Variants in RUNX2 observed in about 807,000 individuals in gnomAD.
RUNX2 encodes the protein RUNX family transcription factor 2, also known as runt-related transcription factor 2.
RUNX2 carries 10 observed loss-of-function variants against 51.7 expected under a neutral mutation model. That is an observed-to-expected ratio of 0.19 (90% CI 0.12 to 0.33). The LOEUF is 0.33. RUNX2 is among the 10% of genes least tolerant of loss of function. The pLI is 1.00. For missense variants in RUNX2, 562 were observed against 691.3 expected (o/e 0.81, Z 2.10); for synonymous variants, 276 against 273.6 (o/e 1.01, Z -0.09).
chr6:45,404,360 C>T (rs912662047), intron 2 of RUNX2, among the ~76,000 whole-genome samples: 3 of 150,304 alleles, frequency 2.0e-5, no homozygotes, highest in African/African-American at 7.4e-5. Flanking sequence ...GTGCAAAGGA[C>T]CCACCTTCTT....
At chr6:45,399,095 A>G (rs1342810524) in intron 2 of RUNX2, among the ~76,000 whole-genome samples, 1 of 152,156 alleles carries the variant, frequency 6.6e-6, no homozygotes, top group African/African-American at 2.4e-5. Flanking sequence ...TAGAAAAATT[A>G]GTGATATTAT....
chr6:45,481,933 T>C (rs975558680), intron 5 of RUNX2, among the ~76,000 whole-genome samples: 3 of 152,220 alleles, frequency 2.0e-5, no homozygotes, highest in African/African-American at 7.2e-5. Context: ...TCCTAATTCA[T>C]ATAATTTTAC....
chr6:45,387,994 G>A (rs1797388308), intron 2 of RUNX2, among the ~76,000 whole-genome samples: 2 of 152,170 alleles, frequency 1.3e-5, no homozygotes, highest in African/African-American at 4.8e-5. Context: ...AGAGTAGCTG[G>A]AGAAATATTC....
chr6:45,420,789 G>C (rs1411586131), intron 2 of RUNX2, among the ~76,000 whole-genome samples: 2 of 152,192 alleles, frequency 1.3e-5, no homozygotes, highest in Non-Finnish European at 2.9e-5. Context: ...TGCGGGCGCA[G>C]CACATTGTTT....
At chr6:45,409,455 C>A (rs1797904516) in intron 2 of RUNX2, among the ~76,000 whole-genome samples, 1 of 152,184 alleles carries the variant, frequency 6.6e-6, no homozygotes, top group Admixed American at 6.5e-5. Context: ...ACAAGCTTCT[C>A]ATTTCTTTAT....
intron 2 of RUNX2, among the ~76,000 whole-genome samples, chr6:45,392,067 T>C (rs1441933144): frequency 1.3e-5 from 2 of 152,222 alleles, no homozygotes; most frequent in Non-Finnish European, 2.9e-5. Flanking sequence ...TAAACAAACA[T>C]ACATTTTCCT....
intron 5 of RUNX2, among the ~76,000 whole-genome samples, chr6:45,456,602 G>C (rs1799326901): frequency 6.6e-6 from 1 of 152,052 alleles, no homozygotes; most frequent in Non-Finnish European, 1.5e-5. Flanking sequence ...TGCTATGTTG[G>C]GCACTCTAAG....
At chr6:45,393,187 T>C (rs536032424) in intron 2 of RUNX2, among the ~76,000 whole-genome samples, 1 of 152,238 alleles carries the variant, frequency 6.6e-6, no homozygotes, top group Non-Finnish European at 1.5e-5. Context: ...CTCTGCTATA[T>C]CTGAGTCTGG....
intron 5 of RUNX2, among the ~76,000 whole-genome samples, chr6:45,448,561 G>A (rs375455170): frequency 2.0e-5 from 3 of 152,096 alleles, no homozygotes; most frequent in South Asian, 4.1e-4. Context: ...GTGCTGGCTC[G>A]GTGTGTGTCT....
Position 45,414,754 on chromosome 6 carries a change from C to CTTTTTTTT in RUNX2, c.59-7816_59-7809dup, listed in dbSNP as rs34672680. Among the ~76,000 whole-genome samples, 24 of 33,444 alleles carry CTTTTTTTT rather than the reference C, an allele frequency of 7.2e-4. 3 individuals are homozygous for CTTTTTTTT. Among genetic ancestry groups the CTTTTTTTT allele is most frequent in the East Asian group, 2.4e-3 (2 of 830 alleles). The allele number at this position is 33,444 out of a possible 152,430, so 21.9% of individuals were successfully genotyped here. A position where few individuals can be genotyped will look rare whatever the true frequency, so the allele number is the denominator to read the frequency against. On this transcript the variant is annotated intron_variant, in intron 2 of 8. Transcript: ENST00000647337. ...ATCTCTCCACCTTCCCAGATCCTGG[C>CTTTTTTTT]TTTTTTTTTTTTTTTTTTTTTTTTT... is the stretch of plus-strand genomic sequence containing the variant.
At chr6:45,375,342 G>A (rs970568745) in intron 2 of RUNX2, among the ~76,000 whole-genome samples, 5 of 152,252 alleles carry the variant, frequency 3.3e-5, no homozygotes, top group Admixed American at 6.5e-5. Flanking sequence ...AGTGAAAGGG[G>A]TTCTATTAAA....
chr6:45,507,225 C>A (rs528475021), intron 6 of RUNX2, among the ~76,000 whole-genome samples: 1 of 152,208 alleles, frequency 6.6e-6, no homozygotes, highest in East Asian at 1.9e-4. Context: ...GGCAGGGTGA[C>A]GGATGGATTA....
chr6:45,504,640 G>T (rs1007594696), intron 6 of RUNX2, among the ~76,000 whole-genome samples: 3 of 152,070 alleles, frequency 2.0e-5, no homozygotes, highest in African/African-American at 7.2e-5. Flanking sequence ...TTTGAAATGG[G>T]AATCTCTGTA....
intron 2 of RUNX2, among the ~76,000 whole-genome samples, chr6:45,396,824 CAT>C (rs1415311691): frequency 2.6e-5 from 4 of 151,762 alleles, no homozygotes; most frequent in African/African-American, 9.7e-5. Context: ...CATTTTGTAA[CAT>C]GTATCAGTAT....
chr6:45,468,469 T>C (rs1211106005), intron 5 of RUNX2, among the ~76,000 whole-genome samples: 1 of 152,200 alleles, frequency 6.6e-6, no homozygotes, highest in Non-Finnish European at 1.5e-5. Context: ...TTGATGCAGG[T>C]GCATATTAGT....
intron 5 of RUNX2, among the ~76,000 whole-genome samples, chr6:45,464,268 A>G (rs1719401278): frequency 1.3e-5 from 2 of 152,152 alleles, no homozygotes; most frequent in African/African-American, 2.4e-5. Flanking sequence ...TCTGTGTATC[A>G]GGGACTGTGT....
chr6:45,385,262 C>T (rs113898207), intron 2 of RUNX2, among the ~76,000 whole-genome samples: 4,707 of 152,218 alleles, frequency 0.031, 94 homozygotes, highest in Non-Finnish European at 0.047. Flanking sequence ...TTTAACCTCT[C>T]GGTTAGGATT....
intron 8 of RUNX2, 51 bp from the exon 9 acceptor site, chr6:45,546,776 T>A: frequency 7.1e-7 from 1 of 1,399,946 alleles, no homozygotes; most frequent in Non-Finnish European, 1.0e-6. Flanking sequence ...CTATCATTAT[T>A]TTAATTGATA....
At chr6:45,356,940 G>A (rs1196103596) in intron 2 of RUNX2, among the ~76,000 whole-genome samples, 5 of 151,970 alleles carry the variant, frequency 3.3e-5, no homozygotes, top group Non-Finnish European at 5.9e-5. Flanking sequence ...TATAATATAG[G>A]CATCAAATAT....
Sources: allele counts gnomAD v4.1 joint callset (sites outside exome capture counted in the v4.1 genomes callset), GRCh38; gene constraint gnomAD v4.1.1; transcripts MANE v1.5; gene names NCBI Gene and HGNC (gene_info 2026-07-23, HGNC 2026-07-21).